COL4A2: variants seen among roughly 807,000 people sequenced by gnomAD.
COL4A2 encodes the protein collagen alpha-2(IV) chain.
In COL4A2, 99 loss-of-function variants were observed where a neutral mutation model predicts 200.2. That is an observed-to-expected ratio of 0.49 (90% CI 0.42 to 0.58). The LOEUF (loss-of-function observed/expected upper bound fraction) is 0.58, where lower values mean the gene tolerates loss of function less well. Among genes scored for constraint, COL4A2 ranks in the 20% least tolerant of loss-of-function variants. The probability of loss-of-function intolerance (pLI) is 0.00; values close to 1 mark genes in which losing one functional copy is unlikely to be tolerated. For missense variants in COL4A2, 1,950 were observed against 2,314.1 expected, an observed-to-expected ratio of 0.84 and a Z score of 3.23; for synonymous variants, 897 against 900.6, an observed-to-expected ratio of 1.00 and a Z score of 0.07.
chr13:110,340,918 G>C (rs1341245407), intron 3 of COL4A2: 1 of 152,284 alleles, frequency 6.6e-6, no homozygotes, highest in Non-Finnish European at 1.5e-5. Context: ...TCTGTGGATT[G>C]CTCCCAACAG....
intron 3 of COL4A2, among the ~76,000 whole-genome samples, chr13:110,344,528 C>T (rs1039048865): frequency 2.6e-5 from 4 of 152,172 alleles, no homozygotes; most frequent in Non-Finnish European, 5.9e-5. Context: ...CATGTTAGTT[C>T]ATGCGTGACA....
intron 28 of COL4A2, among the ~76,000 whole-genome samples, chr13:110,471,339 C>T (rs1417628607): frequency 2.0e-5 from 3 of 152,144 alleles, no homozygotes; most frequent in Non-Finnish European, 2.9e-5. Flanking sequence ...TGAGCCCTTA[C>T]GTCATGAACA....
At chr13:110,477,852 A>T in intron 29 of COL4A2, 151 bp from the exon 30 acceptor site, 4 of 737,560 alleles carry the variant, frequency 5.4e-6, no homozygotes, top group Non-Finnish European at 7.7e-6. Context: ...ACCTGATTTT[A>T]TCCTTTATAC....
chr13:110,473,775 G>C (rs1171745657), intron 29 of COL4A2, among the ~76,000 whole-genome samples: 1 of 152,134 alleles, frequency 6.6e-6, no homozygotes, highest in East Asian at 1.9e-4. Context: ...GTTCACACTG[G>C]GTGAACCCCA....
chr13:110,327,867 G>A (rs993474483), intron 3 of COL4A2, among the ~76,000 whole-genome samples: 1 of 152,204 alleles, frequency 6.6e-6, no homozygotes, highest in Non-Finnish European at 1.5e-5. Flanking sequence ...ACTGTAAACA[G>A]CTTTGCAACT....
chr13:110,384,079 G>A (rs1366580770), intron 4 of COL4A2, among the ~76,000 whole-genome samples: 2 of 152,292 alleles, frequency 1.3e-5, no homozygotes, highest in South Asian at 2.1e-4. Context: ...GTTCACTGCC[G>A]CATACAGGAA....
At chr13:110,356,810 A>G (rs573487767) in intron 3 of COL4A2, among the ~76,000 whole-genome samples, 24 of 149,264 alleles carry the variant, frequency 1.6e-4, no homozygotes, top group Middle Eastern at 3.5e-3. Flanking sequence ...TCTGTGGCCC[A>G]GGCTGGAGTG....
chr13:110,425,227 A>G lies in COL4A2; in HGVS notation c.360+230A>G, dbSNP rs117553344. Reference sequence around the variant, plus strand: ...GCTTCAGAATTGAGACGATTTTGCTAAACTGCACATTGTTTGGTAATAAAA... The same window carrying G: ...GCTTCAGAATTGAGACGATTTTGCTGAACTGCACATTGTTTGGTAATAAAA... On this transcript the variant is annotated intron_variant, in intron 6 of 47. Transcript: ENST00000360467. Among the ~76,000 whole-genome samples, 113 of 152,330 alleles carry G rather than the reference A, an allele frequency of 7.4e-4. 3 individuals carry two copies. The East Asian group carries it at 0.022, about 29-fold the overall frequency.
chr13:110,462,003 G>A, intron 22 of COL4A2, 111 bp from the exon 23 acceptor site: 1 of 1,501,388 alleles, frequency 6.7e-7, no homozygotes, highest in Non-Finnish European at 9.0e-7. Flanking sequence ...GCTCGGTTTG[G>A]TGACGGGTGA....
intron 19 of COL4A2, 51 bp from the exon 20 acceptor site, chr13:110,450,254 G>A: frequency 6.4e-7 from 1 of 1,552,688 alleles, no homozygotes; most frequent in South Asian, 1.1e-5. Context: ...CACAAAGGCA[G>A]CGGTGTGGTA....
intron 21 of COL4A2, 23 bp from the exon 22 acceptor site, chr13:110,458,748 G>GC (rs1465332716): frequency 1.2e-6 from 2 of 1,613,576 alleles, no homozygotes; most frequent in Non-Finnish European, 1.7e-6. Context: ...GAACAAGGAG[G>GC]CCCTCCTCTC....
chr13:110,372,085 A>C (rs981586966), intron 4 of COL4A2, among the ~76,000 whole-genome samples: 22 of 152,122 alleles, frequency 1.4e-4, no homozygotes, highest in African/African-American at 5.3e-4. Flanking sequence ...TCCTTACTCT[A>C]GTTGGCAGGA....
At chr13:110,473,414 C>T (rs1594094302) in intron 29 of COL4A2, 2 of 432,074 alleles carry the variant, frequency 4.6e-6, no homozygotes, top group African/African-American at 2.1e-5. Flanking sequence ...TGTCAAGTTG[C>T]ATATGCCTGG....
chr13:110,334,991 G>C (rs1876109725), intron 3 of COL4A2, among the ~76,000 whole-genome samples: 1 of 152,142 alleles, frequency 6.6e-6, no homozygotes, highest in Admixed American at 6.5e-5. Flanking sequence ...CCCAGCTCCA[G>C]GTGACCTCAA....
At chr13:110,315,008 C>T (rs1885094457) in intron 3 of COL4A2, among the ~76,000 whole-genome samples, 1 of 152,232 alleles carries the variant, frequency 6.6e-6, no homozygotes, top group Admixed American at 6.5e-5. Flanking sequence ...GGCCTGGAGC[C>T]AGGATGGCCA....
chr13:110,346,978 G>A (rs566541229), intron 3 of COL4A2, among the ~76,000 whole-genome samples: 8 of 152,318 alleles, frequency 5.3e-5, no homozygotes, highest in Middle Eastern at 3.4e-3. Context: ...CGAACACCTG[G>A]GTCCACGCCT....
rs1882624681 is a variant in COL4A2 at position 110,474,739 on chromosome 13, ACG to A, written c.2425+1590_2425+1591del. On this transcript the variant is annotated intron_variant, in intron 29 of 47. Coordinates refer to ENST00000360467, the MANE Select transcript of COL4A2 (RefSeq NM_001846.4). ...TGATCACACACGCACGTACCCACAC[ACG>A]TGCCGTGCACACTCACACATCACAC... 3.5e-5 allele frequency among the ~76,000 whole-genome samples: 4 copies of A among 113,460 alleles called. 2 individuals are homozygous for A. The highest frequency in any genetic ancestry group is 5.4e-4 in the East Asian group (2 of 3,686). 74.4% of individuals were successfully genotyped at this position (113,460 alleles called of 152,430 possible).
At chr13:110,487,359 G>A (rs899979501) in intron 34 of COL4A2, among the ~76,000 whole-genome samples, 5 of 152,176 alleles carry the variant, frequency 3.3e-5, no homozygotes, top group South Asian at 4.1e-4. Context: ...AGGCCGAGGC[G>A]GAAGAATCGC....
intron 3 of COL4A2, among the ~76,000 whole-genome samples, chr13:110,351,849 T>C (rs1252407418): frequency 6.6e-6 from 1 of 152,220 alleles, no homozygotes; most frequent in Non-Finnish European, 1.5e-5. Flanking sequence ...GGCAAACTCC[T>C]TCCATGATTT....
Sources: gnomAD v4.1 joint callset for allele counts (sites outside exome capture counted in the v4.1 genomes callset) on GRCh38, gnomAD v4.1.1 for gene constraint, MANE v1.5 for transcripts, NCBI Gene and HGNC (gene_info 2026-07-23, HGNC 2026-07-21) for gene names.